Variants in SLC18B1 observed in about 807,000 individuals in gnomAD.
The protein encoded by SLC18B1 is MFS-type transporter SLC18B1.
A neutral mutation model predicts 53.9 loss-of-function variants in SLC18B1; 62 were observed. That is an observed-to-expected ratio of 1.15 (90% CI 0.94 to 1.42). The LOEUF (loss-of-function observed/expected upper bound fraction) is 1.42. SLC18B1 is among the 40% of genes most tolerant of loss of function. The pLI, the probability that SLC18B1 is intolerant of heterozygous loss-of-function variation, is 0.00. For synonymous variants in SLC18B1, 217 were observed against 200.9 expected (o/e 1.08, Z -0.68); for missense variants, 598 against 547.3 (o/e 1.09, Z -0.93).
intron 5 of SLC18B1, among the ~76,000 whole-genome samples, chr6:132,785,000 G>A (rs1781332379): frequency 6.7e-6 from 1 of 149,710 alleles, no homozygotes; most frequent in African/African-American, 2.5e-5. Flanking sequence ...GCTACCATTT[G>A]TGTAAAGAAA....
rs558179153 is a variant in SLC18B1 at position 132,788,967 on chromosome 6, C to A, written c.353+797G>T. Among the ~76,000 whole-genome samples, 3 of 151,122 alleles carry A rather than the reference C, an allele frequency of 2.0e-5. No individual in the cohort carries two copies. In the South Asian group the frequency reaches 6.3e-4, roughly 32 times the overall value. On this transcript the variant is annotated intron_variant, in intron 4 of 13. Transcript: ENST00000275227. ...GGAATAAAGAAAGAAAATAAACGAC[C>A]CTTCCAAAAAAATTTTAACCCCATT...
At chr6:132,785,529 T>G (rs910180702) in intron 5 of SLC18B1, among the ~76,000 whole-genome samples, 1 of 152,164 alleles carries the variant, frequency 6.6e-6, no homozygotes, top group African/African-American at 2.4e-5. Context: ...TTTCAAAACT[T>G]CATAAAGAAC....
chr6:132,771,592 TA>T (rs1376475471), intron 11 of SLC18B1, among the ~76,000 whole-genome samples: 1 of 152,192 alleles, frequency 6.6e-6, no homozygotes, highest in African/African-American at 2.4e-5. Context: ...TCAAATAAGA[TA>T]AAGTATATGA....
At chr6:132,797,961 C>G (rs1220905601) in intron 1 of SLC18B1, among the ~76,000 whole-genome samples, 1 of 151,932 alleles carries the variant, frequency 6.6e-6, no homozygotes, top group African/African-American at 2.4e-5. Context: ...AATACATTTG[C>G]TTTGCTCTAT....
chr6:132,785,042 TAAAA>T (rs57970706), intron 5 of SLC18B1, among the ~76,000 whole-genome samples: 2 of 133,416 alleles, frequency 1.5e-5, no homozygotes, highest in Admixed American at 7.7e-5. Context: ...CCTGTCCAGT[TAAAA>T]AAAAAAAAAA....
Position 132,784,076 on chromosome 6 carries a change from G to A in SLC18B1, c.515C>T (p.Thr172Ile). 1.3e-6 allele frequency: 2 copies of A among 1,558,972 alleles called. No homozygotes were observed. The highest frequency in any genetic ancestry group is 1.7e-6 in the Non-Finnish European group (2 of 1,159,660). ...TAGTATTAGCCCCAGTCCAGAAAAA[G>A]TCTCAAGACTTCCCTTAAAATGAGA... is the stretch of plus-strand genomic sequence containing the variant. ...NVATVLGSLETFSGLGLILGP... is the reference protein window; with the variant it reads ...NVATVLGSLEIFSGLGLILGP... The change falls in exon 6 of 14, where the codon ACT (threonine) becomes ATT (isoleucine). Residue 172 changes from threonine (T) to isoleucine (I), a missense_variant. Thr to Ile is a moderately conservative substitution (Grantham distance 89). Transcript: ENST00000275227.
At chr6:132,775,132 C>CTTA (rs1470636524) in intron 8 of SLC18B1, among the ~76,000 whole-genome samples, 1 of 152,090 alleles carries the variant, frequency 6.6e-6, no homozygotes, top group Non-Finnish European at 1.5e-5. Context: ...AATTAGTATC[C>CTTA]TTATACAAGA....
At chr6:132,780,608 T>C (rs901806260) in intron 6 of SLC18B1, among the ~76,000 whole-genome samples, 1 of 148,386 alleles carries the variant, frequency 6.7e-6, no homozygotes, top group Non-Finnish European at 1.5e-5. Flanking sequence ...AGTTTTTTTT[T>C]TGGAGTGCAG....
Position 132,787,474 on chromosome 6 carries a change from A to G in SLC18B1, c.461T>C (p.Ile154Thr). The change falls in exon 5 of 14, where the codon ATC (isoleucine) becomes ACC (threonine). Residue 154 changes from isoleucine (I) to threonine (T), a missense_variant. Physicochemically the swap from Ile to Thr is moderately conservative, Grantham distance 89. Transcript: ENST00000275227. Reference protein sequence around the residue: ...FAAAMTASSSILAKAFPNNVA... With the variant: ...FAAAMTASSSTLAKAFPNNVA... ...GTTATTTGGAAAAGCCTTTGCCAGG[A>G]TAGAAGAAGATGCAGTCATTGCTGC... The G allele has an allele frequency of 1.2e-6, 2 of 1,605,000 alleles. No homozygotes were observed. The highest frequency in any genetic ancestry group is 8.5e-7 in the Non-Finnish European group (1 of 1,177,196).
intron 2 of SLC18B1, among the ~76,000 whole-genome samples, chr6:132,796,395 A>G (rs1448178790): frequency 7.2e-6 from 1 of 138,762 alleles, no homozygotes; most frequent in Non-Finnish European, 1.5e-5. Flanking sequence ...ACGTGGTGGT[A>G]GGCGCCTGTA....
chr6:132,790,359 T>TAA, intron 2 of SLC18B1, 87 bp from the exon 3 acceptor site: 1 of 883,758 alleles, frequency 1.1e-6, no homozygotes, highest in Non-Finnish European at 1.7e-6. Flanking sequence ...GGCATCATCT[T>TAA]CTTGTGAACT....
chr6:132,782,187 CAAA>C (rs572176758), intron 6 of SLC18B1, among the ~76,000 whole-genome samples: 2 of 89,778 alleles, frequency 2.2e-5, no homozygotes. Flanking sequence ...GACTCTGTTT[CAAA>C]AAAAAAAAAA....
intron 8 of SLC18B1, among the ~76,000 whole-genome samples, chr6:132,775,868 C>G (rs1781085899): frequency 6.6e-6 from 1 of 152,138 alleles, no homozygotes; most frequent in South Asian, 2.1e-4. Flanking sequence ...TTATTAAGAT[C>G]AATCCATTTT....
chr6:132,792,292 G>GAGA (rs1781559253), intron 2 of SLC18B1, among the ~76,000 whole-genome samples: 1 of 31,594 alleles, frequency 3.2e-5, no homozygotes, highest in Non-Finnish European at 5.6e-5. Context: ...AGGAAGAAAG[G>GAGA]AAGGAAGGAA....
Position 132,790,178 on chromosome 6 carries a change from T to C in SLC18B1, c.278A>G (p.Tyr93Cys), listed in dbSNP as rs1192532558. 1.3e-6 allele frequency: 2 copies of C among 1,559,390 alleles called. No homozygotes were observed. Among genetic ancestry groups the C allele is most frequent in the Non-Finnish European group, 1.7e-6 (2 of 1,150,894 alleles). The change falls in exon 3 of 14, where the codon TAT becomes TGT. Residue 93 changes from tyrosine to cysteine, a missense_variant and splice_region_variant. By Grantham distance (194) the Tyr-to-Cys change is radical. Coordinates refer to ENST00000275227, the MANE Select transcript of SLC18B1 (RefSeq NM_052831.3). ...ELLASLVFGN[Y>C]LVHIGAKFMF... ...TGTGCATATGAACTTTATACTTACATAGTTTCCAAATACCAAGGATGCCAG... is the reference window on the plus strand; with the variant it reads ...TGTGCATATGAACTTTATACTTACACAGTTTCCAAATACCAAGGATGCCAG...
intron 2 of SLC18B1, among the ~76,000 whole-genome samples, chr6:132,792,087 G>T (rs1781536758): frequency 6.6e-6 from 1 of 151,330 alleles, no homozygotes; most frequent in Non-Finnish European, 1.5e-5. Context: ...AATTAGCCAG[G>T]TGTGGTGGCA....
chr6:132,779,366 C>T lies in SLC18B1; in HGVS notation c.697G>A (p.Ala233Thr), dbSNP rs1183930636. Reference sequence around the variant, plus strand: ...GCTATAAGGCCAACTTTGGGTAAAGCGATCAGTTTCCAGAATGAGTGTTCA... The same window carrying T: ...GCTATAAGGCCAACTTTGGGTAAAGTGATCAGTTTCCAGAATGAGTGTTCA... The part of the protein sequence containing the change: ...PGEHSFWKLI[A>T]LPKVGLIAFV... The change falls in exon 7 of 14, where the codon GCT (alanine) becomes ACT (threonine). Residue 233 changes from alanine (A) to threonine (T), a missense_variant. Coordinates refer to ENST00000275227, the MANE Select transcript of SLC18B1 (RefSeq NM_052831.3). The T allele has an allele frequency of 8.1e-6, 13 of 1,612,616 alleles. No individual in the cohort carries two copies. Among genetic ancestry groups the T allele is most frequent in the African/African-American group, 2.7e-5 (2 of 74,572 alleles).
intron 2 of SLC18B1, among the ~76,000 whole-genome samples, chr6:132,792,284 G>A (rs11154697): frequency 0.34 from 12,754 of 37,296 alleles, 3,558 homozygotes; most frequent in African/African-American, 0.41. Flanking sequence ...AGAAAGAAAG[G>A]AAGAAAGGAA....
chr6:132,792,334 A>G (rs1020678220), intron 2 of SLC18B1, among the ~76,000 whole-genome samples: 1 of 133,164 alleles, frequency 7.5e-6, no homozygotes, highest in Non-Finnish European at 1.6e-5. Flanking sequence ...GAAGGAAGGA[A>G]GGAAGGAAGG....
Sources: allele counts gnomAD v4.1 joint callset (sites outside exome capture counted in the v4.1 genomes callset), GRCh38; gene constraint gnomAD v4.1.1; transcripts MANE v1.5; gene names NCBI Gene and HGNC (gene_info 2026-07-23, HGNC 2026-07-21).